Variants in VWC2 observed in about 807,000 individuals in gnomAD.
VWC2 encodes the protein brorin.
Under a neutral mutation model 29.8 loss-of-function variants are expected in VWC2, and 14 were observed. The observed-to-expected ratio is 0.47, with a 90% CI of 0.31 to 0.74. The LOEUF is 0.74. Ranked by LOEUF, VWC2 falls within the 30% of genes least tolerant of loss-of-function variation. The pLI is 0.05. For synonymous variants in VWC2, 213 were observed against 199.0 expected (o/e 1.07, Z -0.59); for missense variants, 457 against 459.8 (o/e 0.99, Z 0.05).
intron 3 of VWC2, among the ~76,000 whole-genome samples, chr7:49,869,756 C>A (rs1031687733): frequency 1.3e-5 from 2 of 152,086 alleles, no homozygotes; most frequent in Non-Finnish European, 2.9e-5. Flanking sequence ...CTATGACCAG[C>A]AAACATCCAA....
At chr7:49,872,435 AAAAT>A (rs1366451643) in intron 3 of VWC2, among the ~76,000 whole-genome samples, 1 of 152,212 alleles carries the variant, frequency 6.6e-6, no homozygotes, top group African/African-American at 2.4e-5. Context: ...AGTATATGCA[AAAAT>A]AAATCCTAGG....
intron 3 of VWC2, among the ~76,000 whole-genome samples, chr7:49,872,934 A>AAAAG (rs1163136710): frequency 9.4e-5 from 14 of 148,586 alleles, no homozygotes; most frequent in African/African-American, 3.2e-4. Flanking sequence ...AAAAAAAAAA[A>AAAAG]AAAGAAAGAA....
At chr7:49,857,411 T>G (rs1026151766) in intron 3 of VWC2, among the ~76,000 whole-genome samples, 1 of 152,224 alleles carries the variant, frequency 6.6e-6, no homozygotes, top group African/African-American at 2.4e-5. Flanking sequence ...TATAGCACAT[T>G]TTCTTCATTC....
chr7:49,890,270 A>G (rs890714961), intron 3 of VWC2, among the ~76,000 whole-genome samples: 1 of 152,234 alleles, frequency 6.6e-6, no homozygotes, highest in African/African-American at 2.4e-5. Flanking sequence ...AAATTCTATT[A>G]TATAAATTAT....
chr7:49,780,111 G>A (rs913840504), intron 2 of VWC2, among the ~76,000 whole-genome samples: 3 of 152,208 alleles, frequency 2.0e-5, no homozygotes, highest in Non-Finnish European at 2.9e-5. Flanking sequence ...TAACAGTGGG[G>A]TGTGTGAGGA....
chr7:49,920,506 A>C lies in VWC2; in HGVS notation c.*8321A>C, dbSNP rs931263. On this transcript the variant is annotated 3_prime_UTR_variant, in exon 4 of 4. Transcript: ENST00000340652. The stretch of plus-strand genomic sequence containing the variant: ...ACAAGAGAAGCACTGCATTGTTGGC[A>C]AGAAATTCCTTTTAAGTCAGACTTA... 118,535 of 152,096 alleles carry C rather than the reference A, an allele frequency of 0.78. 46,386 individuals are homozygous for C. Among genetic ancestry groups the C allele is most frequent in the East Asian group, 0.89 (4,581 of 5,172 alleles). 9.4% of individuals were successfully genotyped at this position (152,096 alleles called of 1,614,324 possible).
intron 3 of VWC2, among the ~76,000 whole-genome samples, chr7:49,889,852 C>T (rs1278499932): frequency 1.3e-5 from 2 of 152,142 alleles, no homozygotes; most frequent in Non-Finnish European, 2.9e-5. Flanking sequence ...CCGTCATTCA[C>T]GCTTGCAATT....
At chr7:49,896,881 A>ATTTTTTTTTTTTTT in intron 3 of VWC2, among the ~76,000 whole-genome samples, 1 of 95,054 alleles carries the variant, frequency 1.1e-5, no homozygotes, top group Non-Finnish European at 2.1e-5. Flanking sequence ...TGGATTGATA[A>ATTTTTTTTTTTTTT]TTTTTTTTTT....
chr7:49,887,758 C>T (rs1384637), intron 3 of VWC2, among the ~76,000 whole-genome samples: 111,803 of 152,042 alleles, frequency 0.74, 41,310 homozygotes, highest in East Asian at 0.88. Flanking sequence ...TACAACACCA[C>T]ACCAACCCAT....
chr7:49,788,287 T>G (rs1357970255), intron 2 of VWC2, among the ~76,000 whole-genome samples: 1 of 152,104 alleles, frequency 6.6e-6, no homozygotes, highest in Admixed American at 6.5e-5. Flanking sequence ...ACTCTACAGT[T>G]GGGGGTGCGA....
chr7:49,774,691 C>T (rs894794482), intron 1 of VWC2, among the ~76,000 whole-genome samples: 2 of 152,174 alleles, frequency 1.3e-5, no homozygotes, highest in African/African-American at 4.8e-5. Context: ...ATCCCCGACC[C>T]GGCCCTCTGG....
At chr7:49,836,464 GAAAAA>G (rs34464968) in intron 3 of VWC2, among the ~76,000 whole-genome samples, 1 of 117,762 alleles carries the variant, frequency 8.5e-6, no homozygotes, top group East Asian at 2.6e-4. Flanking sequence ...CTCTGTCTCT[GAAAAA>G]AAAAAAAAAA....
intron 3 of VWC2, among the ~76,000 whole-genome samples, chr7:49,903,751 C>T (rs1045233763): frequency 6.6e-6 from 1 of 152,094 alleles, no homozygotes; most frequent in Non-Finnish European, 1.5e-5. Context: ...GGTTTGTGGT[C>T]TTGCTCCAGG....
chr7:49,805,116 T>A (rs1160916369), intron 3 of VWC2, among the ~76,000 whole-genome samples: 1 of 152,206 alleles, frequency 6.6e-6, no homozygotes, highest in Non-Finnish European at 1.5e-5. Context: ...AGTAAAAAAA[T>A]GTACAAAAAC....
chr7:49,866,578 GAA>G (rs1264732880), intron 3 of VWC2, among the ~76,000 whole-genome samples: 1 of 152,182 alleles, frequency 6.6e-6, no homozygotes, highest in Non-Finnish European at 1.5e-5. Context: ...ATGTGACTCA[GAA>G]AAGACGGAAA....
At position 49,914,125 on chromosome 7, in the gene VWC2, G is replaced by C. The variant is rs115891443; in HGVS notation, c.*1940G>C. The stretch of plus-strand genomic sequence containing the variant: ...ATTGTTTGAGACACAGTTATTTAAA[G>C]TTGTCGTTTTGCTAATAAATGGCCC... On this transcript the variant is annotated 3_prime_UTR_variant, in exon 4 of 4. Transcript: ENST00000340652. 1.3e-5 allele frequency: 2 copies of C among 152,192 alleles called. No individual in the cohort carries two copies. Among genetic ancestry groups the C allele is most frequent in the African/African-American group, 4.8e-5 (2 of 41,460 alleles). The allele number at this position is 152,192 out of a possible 1,614,324, so 9.4% of individuals were successfully genotyped here.
rs975339558 is a variant in VWC2 at position 49,773,955 on chromosome 7, G to T, written c.-262G>T. On this transcript the variant is annotated 5_prime_UTR_variant, in exon 1 of 4. Transcript: ENST00000340652. Reference sequence around the variant, plus strand: ...AGAGACGCCCTAGCCCGGTGTGCGCGCCAGGCGGAGCGCGCAGGTGGGGCT... The same window carrying T: ...AGAGACGCCCTAGCCCGGTGTGCGCTCCAGGCGGAGCGCGCAGGTGGGGCT... 2 of 152,048 alleles carry T rather than the reference G, an allele frequency of 1.3e-5. No individual in the cohort carries two copies. Among genetic ancestry groups the T allele is most frequent in the African/African-American group, 4.8e-5 (2 of 41,440 alleles). The allele number at this position is 152,048 out of a possible 1,614,324, so 9.4% of individuals were successfully genotyped here.
rs1384146734 is a variant in VWC2, at chr7:49,775,650, G to A, written c.215G>A (p.Ser72Asn). The change falls in exon 2 of 4, where the codon AGC becomes AAC. Residue 72 changes from serine to asparagine, a missense_variant. By Grantham distance (46) the Ser-to-Asn change is conservative (BLOSUM62 1). This residue lies in a region of VWC2 where 272 missense variants were observed against 202.7 expected (regional missense o/e 1.34). Coordinates refer to ENST00000340652, the MANE Select transcript of VWC2 (RefSeq NM_198570.5). ...CGCCCGGCGAGGGACGAGGGCGGCA[G>A]CGGCCGGGACTGGAAGAGCAAGAGC... ...LGRPARDEGGSGRDWKSKSGR... is the reference protein window; with the variant it reads ...LGRPARDEGGNGRDWKSKSGR... 6.5e-7 allele frequency: 1 copy of A among 1,528,434 alleles called. No individual in the cohort carries two copies. The highest frequency in any genetic ancestry group is 2.5e-5 in the East Asian group (1 of 39,238). The allele number at this position is 1,528,434 out of a possible 1,614,324, so 94.7% of individuals were successfully genotyped here. A position where few individuals can be genotyped will look rare whatever the true frequency, so the allele number is the denominator to read the frequency against.
chr7:49,836,252 T>C (rs1453328243), intron 3 of VWC2, among the ~76,000 whole-genome samples: 1 of 152,142 alleles, frequency 6.6e-6, no homozygotes, highest in East Asian at 1.9e-4. Flanking sequence ...AAGAGATAAA[T>C]GTGTAGGCTG....
Sources: gnomAD v4.1 joint callset for allele counts (sites outside exome capture counted in the v4.1 genomes callset) on GRCh38, gnomAD v4.1.1 for gene constraint, gnomAD v4.1.1 regional missense constraint, MANE v1.5 for transcripts, NCBI Gene and HGNC (gene_info 2026-07-23, HGNC 2026-07-21) for gene names.